Variants in NRXN3 observed in about 807,000 individuals in gnomAD.
NRXN3 encodes the protein neurexin 3.
A neutral mutation model predicts 137.6 loss-of-function variants in NRXN3; 32 were observed. That is an observed-to-expected ratio of 0.23 (90% confidence interval 0.18 to 0.31). NRXN3 has a LOEUF of 0.31. Ranked by LOEUF, NRXN3 falls within the 10% of genes least tolerant of loss-of-function variation. The probability of loss-of-function intolerance (pLI) is 1.00; values close to 1 mark genes in which losing one functional copy is unlikely to be tolerated. For synonymous variants in NRXN3, 798 were observed against 784.5 expected (o/e 1.02, Z -0.29); for missense variants, 1,574 against 2,062.5 (o/e 0.76, Z 4.59).
intron 5 of NRXN3, among the ~76,000 whole-genome samples, chr14:78,649,793 T>C (rs939573510): frequency 2.6e-5 from 4 of 152,016 alleles, no homozygotes; most frequent in African/African-American, 9.7e-5. Flanking sequence ...CCACAGGTGA[T>C]CTGGGGAGGA....
At chr14:79,462,801 G>A (rs1010436572) in intron 15 of NRXN3, among the ~76,000 whole-genome samples, 9 of 129,872 alleles carry the variant, frequency 6.9e-5, no homozygotes, top group Non-Finnish European at 1.3e-4. Flanking sequence ...ACACATGCAT[G>A]CACACACACA....
At chr14:78,634,849 T>C (rs1347373358) in intron 4 of NRXN3, among the ~76,000 whole-genome samples, 3 of 152,076 alleles carry the variant, frequency 2.0e-5, no homozygotes, top group African/African-American at 7.2e-5. Context: ...TGTATGTGTA[T>C]ATATATATAA....
intron 16 of NRXN3, among the ~76,000 whole-genome samples, chr14:79,541,346 G>A (rs2097270558): frequency 6.6e-6 from 1 of 152,130 alleles, no homozygotes; most frequent in South Asian, 2.1e-4. Context: ...GGAGGTTGCA[G>A]TGAGCCAAGA....
In NRXN3 at chr14:79,373,295, A is replaced by G. The variant is rs529632507; in HGVS notation, c.3263-93926A>G. Among the ~76,000 whole-genome samples the G allele has an allele frequency of 3.3e-5, 5 of 152,256 alleles. No individual in the cohort carries two copies. In the South Asian group the frequency reaches 1.0e-3, roughly 32 times the overall value. On this transcript the variant is annotated intron_variant, in intron 15 of 20. Coordinates refer to ENST00000335750, the MANE Select transcript of NRXN3 (RefSeq NM_001330195.2). ...ACAAAATGCTCATGGAAAACACTCT[A>G]TCAATTCCAATTATGTTCTGGGGGG...
At chr14:78,867,873 C>T (rs567935845) in intron 10 of NRXN3, among the ~76,000 whole-genome samples, 5 of 151,176 alleles carry the variant, frequency 3.3e-5, no homozygotes, top group African/African-American at 1.2e-4. Context: ...CTGAAGGCTC[C>T]TGTGTATAAG....
intron 20 of NRXN3, among the ~76,000 whole-genome samples, chr14:79,825,844 G>A (rs892771374): frequency 2.6e-5 from 4 of 152,040 alleles, no homozygotes; most frequent in African/African-American, 9.7e-5. Context: ...AAGTTTCATG[G>A]TTGTTTCTTC....
chr14:79,851,108 A>G (rs1340327537), intron 20 of NRXN3, among the ~76,000 whole-genome samples: 1 of 152,170 alleles, frequency 6.6e-6, no homozygotes, highest in Non-Finnish European at 1.5e-5. Flanking sequence ...TTGCTGATGT[A>G]TCTTTTTCGA....
chr14:78,579,477 G>C (rs1467404560), intron 4 of NRXN3, among the ~76,000 whole-genome samples: 1 of 151,902 alleles, frequency 6.6e-6, no homozygotes, highest in African/African-American at 2.4e-5. Context: ...TAAGACCGCA[G>C]TGAGATCCAC....
At chr14:79,759,454 AT>A (rs1398728234) in intron 19 of NRXN3, among the ~76,000 whole-genome samples, 4 of 151,612 alleles carry the variant, frequency 2.6e-5, no homozygotes, top group African/African-American at 9.8e-5. Flanking sequence ...TAAAAAAAAA[AT>A]ACCTTACGTA....
At chr14:78,425,675 A>C (rs1046461293) in intron 4 of NRXN3, among the ~76,000 whole-genome samples, 1 of 152,064 alleles carries the variant, frequency 6.6e-6, no homozygotes, top group Non-Finnish European at 1.5e-5. Flanking sequence ...ACGAGTAATA[A>C]TTTGGTGATT....
chr14:79,232,680 A>G (rs951362971), intron 15 of NRXN3, among the ~76,000 whole-genome samples: 6 of 152,134 alleles, frequency 3.9e-5, no homozygotes, highest in Non-Finnish European at 7.4e-5. Flanking sequence ...GATCCAATAT[A>G]CTACATGTGT....
chr14:79,269,198 C>T lies in NRXN3; in HGVS notation c.3263-198023C>T, dbSNP rs188260393. ...CCAAGTAGCTGGGACTTCAGGTGCCCGCCACCACGCCCGGCTAATTTTTTG... is the reference window on the plus strand; with the variant it reads ...CCAAGTAGCTGGGACTTCAGGTGCCTGCCACCACGCCCGGCTAATTTTTTG... On this transcript the variant is annotated intron_variant, in intron 15 of 20. Coordinates refer to ENST00000335750, the MANE Select transcript of NRXN3 (RefSeq NM_001330195.2). 4.4e-3 allele frequency among the ~76,000 whole-genome samples: 673 copies of T among 152,178 alleles called. 5 individuals are homozygous for T. Among genetic ancestry groups the T allele is most frequent in the African/African-American group, 0.014 (599 of 41,536 alleles).
chr14:79,426,612 G>A (rs1015758206), intron 15 of NRXN3, among the ~76,000 whole-genome samples: 1 of 152,178 alleles, frequency 6.6e-6, no homozygotes, highest in Non-Finnish European at 1.5e-5. Flanking sequence ...TTTACTGAAG[G>A]TTAACGTGCT....
At chr14:78,848,891 T>G (rs1454213308) in intron 10 of NRXN3, among the ~76,000 whole-genome samples, 4 of 152,048 alleles carry the variant, frequency 2.6e-5, no homozygotes, top group Non-Finnish European at 5.9e-5. Context: ...TGGGTAAGAT[T>G]AGAACAGATA....
chr14:78,941,961 G>A (rs2099353868), intron 10 of NRXN3, among the ~76,000 whole-genome samples: 1 of 152,024 alleles, frequency 6.6e-6, no homozygotes, highest in African/African-American at 2.4e-5. Flanking sequence ...TAGAATCTTG[G>A]AAAATCTGAA....
intron 6 of NRXN3, among the ~76,000 whole-genome samples, chr14:78,678,851 T>C (rs1263328607): frequency 2.0e-5 from 3 of 152,202 alleles, no homozygotes; most frequent in African/African-American, 7.2e-5. Flanking sequence ...TGGCCTTCCC[T>C]GCAGGTGTCA....
chr14:79,332,681 T>G (rs564140265), intron 15 of NRXN3, among the ~76,000 whole-genome samples: 2 of 152,200 alleles, frequency 1.3e-5, no homozygotes, highest in Non-Finnish European at 2.9e-5. Flanking sequence ...GAGTCATTAC[T>G]AATCCACACT....
chr14:79,202,331 A>G (rs2066154240), intron 15 of NRXN3, among the ~76,000 whole-genome samples: 1 of 152,124 alleles, frequency 6.6e-6, no homozygotes, highest in Non-Finnish European at 1.5e-5. Flanking sequence ...GTGAAGTATA[A>G]TAGGCATATC....
chr14:79,407,762 C>T (rs1163053944), intron 15 of NRXN3, among the ~76,000 whole-genome samples: 1 of 152,060 alleles, frequency 6.6e-6, no homozygotes, highest in Non-Finnish European at 1.5e-5. Flanking sequence ...TCTAGGTGTG[C>T]CTTAGGCAAG....
Sources: gnomAD v4.1 joint callset for allele counts (sites outside exome capture counted in the v4.1 genomes callset) on GRCh38, gnomAD v4.1.1 for gene constraint, MANE v1.5 for transcripts, NCBI Gene and HGNC (gene_info 2026-07-23, HGNC 2026-07-21) for gene names.